The following NIPBL variants were observed in gnomAD, a reference collection of about 807,000 sequenced individuals.
NIPBL encodes nipped-B-like protein.
Under a neutral mutation model 321.8 loss-of-function variants are expected in NIPBL, and 19 were observed. The observed-to-expected ratio is 0.06, with a 90% CI of 0.04 to 0.09. The LOEUF is 0.09. Among genes scored for constraint, NIPBL ranks in the 10% least tolerant of loss-of-function variants. NIPBL has a pLI of 1.00. For missense variants in NIPBL, 2,210 were observed against 3,327.0 expected (o/e 0.66, Z 8.26); for synonymous variants, 1,106 against 1,114.1 (o/e 0.99, Z 0.14).
rs1312400739 is a variant in NIPBL, at chr5:36,985,854, A to G, written c.2674A>G (p.Ser892Gly). 2 of 1,613,920 alleles carry G rather than the reference A, an allele frequency of 1.2e-6. No homozygotes were observed. Among genetic ancestry groups the G allele is most frequent in the South Asian group, 1.1e-5 (1 of 91,080 alleles). ...TGGGGAACAAAAATCAAGACCTGAC[A>G]GTCCTCGTGTTAAACAAGGAGATTC... ...SSGEQKSRPDSPRVKQGDSNK... is the reference protein window; with the variant it reads ...SSGEQKSRPDGPRVKQGDSNK... Residue 892 changes from serine to glycine, a missense_variant, in exon 10 of 47, where the codon AGT becomes GGT. By Grantham distance (56) the Ser-to-Gly change is moderately conservative. Around this residue, in one of 14 missense-constraint regions of NIPBL, gnomAD observed 588 missense variants for 564.1 expected, o/e 1.04. Transcript: ENST00000282516.
At chr5:36,925,901 A>G (rs1749326089) in intron 1 of NIPBL, among the ~76,000 whole-genome samples, 3 of 152,064 alleles carry the variant, frequency 2.0e-5, no homozygotes, top group African/African-American at 4.8e-5. Context: ...CTGTCTCCCA[A>G]ACTTCTAAGT....
At chr5:37,056,110 A>G (rs1183738745) in intron 42 of NIPBL, among the ~76,000 whole-genome samples, 2 of 152,216 alleles carry the variant, frequency 1.3e-5, no homozygotes, top group African/African-American at 4.8e-5. Flanking sequence ...CTTCAATATT[A>G]TATGAGTTTT....
intron 21 of NIPBL, among the ~76,000 whole-genome samples, chr5:37,011,466 G>A (rs182875968): frequency 6.6e-6 from 1 of 152,200 alleles, no homozygotes; most frequent in Admixed American, 6.5e-5. Flanking sequence ...GAAACAGGAG[G>A]GTCGATTGAG....
intron 17 of NIPBL, 124 bp downstream of exon 17, chr5:37,006,712 T>C (rs949724815): frequency 9.3e-6 from 6 of 641,736 alleles, no homozygotes; most frequent in African/African-American, 7.3e-5. Context: ...ATTTTGATTA[T>C]GGATTTGACT....
chr5:36,919,367 C>G (rs975202876), intron 1 of NIPBL, among the ~76,000 whole-genome samples: 3 of 151,648 alleles, frequency 2.0e-5, no homozygotes, highest in South Asian at 2.1e-4. Flanking sequence ...TCTCCTACCT[C>G]TCTTTTTTTT....
chr5:36,949,252 TTTC>T, intron 1 of NIPBL, among the ~76,000 whole-genome samples: 1 of 152,000 alleles, frequency 6.6e-6, no homozygotes, highest in South Asian at 2.1e-4. Context: ...AATTAATATT[TTTC>T]TTCTTGGCTA....
intron 1 of NIPBL, among the ~76,000 whole-genome samples, chr5:36,942,878 A>G (rs866533593): frequency 1.3e-5 from 2 of 152,126 alleles, no homozygotes; most frequent in Non-Finnish European, 2.9e-5. Flanking sequence ...AATACAGCGC[A>G]AGGGAAACAT....
chr5:37,014,202 A>C, intron 21 of NIPBL, among the ~76,000 whole-genome samples: 1 of 151,510 alleles, frequency 6.6e-6, no homozygotes, highest in Admixed American at 6.6e-5. Flanking sequence ...CCGTGGAAAG[A>C]GAGGGAGAGG....
At chr5:37,012,600 C>T (rs1225950372) in intron 21 of NIPBL, among the ~76,000 whole-genome samples, 2 of 152,032 alleles carry the variant, frequency 1.3e-5, no homozygotes, top group Admixed American at 1.3e-4. Context: ...GGCAGAGGAC[C>T]CTGCGGCCTT....
chr5:36,883,544 A>G (rs1415975188), intron 1 of NIPBL, among the ~76,000 whole-genome samples: 2 of 114,472 alleles, frequency 1.7e-5, no homozygotes, highest in African/African-American at 9.5e-5. Flanking sequence ...AAACTAACAA[A>G]TGTCTAAAAC....
intron 1 of NIPBL, among the ~76,000 whole-genome samples, chr5:36,933,625 T>G (rs926889263): frequency 2.0e-5 from 3 of 152,118 alleles, no homozygotes; most frequent in African/African-American, 7.2e-5. Context: ...TTTAATTTTT[T>G]AATTTAATTA....
Position 37,033,459 on chromosome 5 carries a change from T to C in NIPBL, c.5863-2920T>C, listed in dbSNP as rs1751294409. 2.0e-5 allele frequency among the ~76,000 whole-genome samples: 3 copies of C among 151,478 alleles called. No individual in the cohort carries two copies. The South Asian group carries it at 6.3e-4, about 32-fold the overall frequency. On this transcript the variant is annotated intron_variant, in intron 32 of 46. Coordinates refer to ENST00000282516, the MANE Select transcript of NIPBL (RefSeq NM_133433.4). ...ATCCCAGAAAACAGGCTTACACATATAGAATATGCTTGCTATAAAACAGAA... is the reference window on the plus strand; with the variant it reads ...ATCCCAGAAAACAGGCTTACACATACAGAATATGCTTGCTATAAAACAGAA...
intron 41 of NIPBL, 76 bp downstream of exon 41, chr5:37,051,962 C>T (rs1753601495): frequency 9.9e-7 from 1 of 1,008,150 alleles, no homozygotes; most frequent in African/African-American, 1.6e-5. Context: ...AAATGCTCTG[C>T]CCACATTCAT....
chr5:37,025,050 A>G (rs1163321490), intron 30 of NIPBL, among the ~76,000 whole-genome samples: 1 of 152,224 alleles, frequency 6.6e-6, no homozygotes, highest in African/African-American at 2.4e-5. Flanking sequence ...TGGGCAACAT[A>G]GTAAGAATCC....
chr5:36,953,896 A>C (rs1178994462), intron 2 of NIPBL, 136 bp downstream of exon 2: 2 of 717,540 alleles, frequency 2.8e-6, no homozygotes, highest in Admixed American at 5.0e-5. Flanking sequence ...CCTTTAAAGA[A>C]AAAAAAAATT....
At chr5:37,061,084 C>A in intron 45 of NIPBL, 66 bp downstream of exon 45, 1 of 1,183,990 alleles carries the variant, frequency 8.4e-7, no homozygotes, top group Non-Finnish European at 1.3e-6. Flanking sequence ...ATGTGGGGGG[C>A]CGGTGGGGAG....
Position 37,048,588 on chromosome 5 carries a change from T to G in NIPBL, c.6676T>G (p.Ser2226Ala). 1 of 1,599,518 alleles carries G rather than the reference T, an allele frequency of 6.3e-7. No individual in the cohort carries two copies. The highest frequency in any genetic ancestry group is 8.6e-7 in the Non-Finnish European group (1 of 1,169,114). The change falls in exon 39 of 47, where the codon TCA (serine) becomes GCA (alanine). Residue 2226 changes from serine (S) to alanine (A), a missense_variant. Transcript: ENST00000282516. ...YNNILSDKNSSVNLKIQVLKN... is the reference protein window; with the variant it reads ...YNNILSDKNSAVNLKIQVLKN... The stretch of plus-strand genomic sequence containing the variant: ...TAATATTTTATCTGATAAGAACTCC[T>G]CAGTCAATTTAAAAATACAAGTGTT...
intron 14 of NIPBL, among the ~76,000 whole-genome samples, chr5:37,001,988 CT>C (rs1746862732): frequency 6.6e-6 from 1 of 152,026 alleles, no homozygotes; most frequent in Non-Finnish European, 1.5e-5. Context: ...GAGAAATTGT[CT>C]TCTGTATCAT....
At chr5:37,021,449 A>G (rs1419324407) in intron 27 of NIPBL, among the ~76,000 whole-genome samples, 2 of 152,168 alleles carry the variant, frequency 1.3e-5, no homozygotes, top group Non-Finnish European at 2.9e-5. Flanking sequence ...TTGGGAAGCC[A>G]AGGCGGGCAG....
Sources: gnomAD v4.1 joint callset for allele counts (sites outside exome capture counted in the v4.1 genomes callset) on GRCh38, gnomAD v4.1.1 for gene constraint, gnomAD v4.1.1 regional missense constraint, MANE v1.5 for transcripts, NCBI Gene and HGNC (gene_info 2026-07-23, HGNC 2026-07-21) for gene names.